PIK3CA: variants seen among roughly 807,000 people sequenced by gnomAD.
PIK3CA encodes phosphatidylinositol-4,5-bisphosphate 3-kinase catalytic subunit alpha.
PIK3CA carries 27 observed loss-of-function variants against 138.2 expected under a neutral mutation model. The ratio of observed to expected loss-of-function variants is 0.20; its 90% CI spans 0.14 to 0.27. PIK3CA has a LOEUF of 0.27. Ranked by LOEUF, PIK3CA falls within the 10% of genes least tolerant of loss-of-function variation. The pLI is 1.00. For missense variants in PIK3CA, 544 were observed against 1,277.4 expected (o/e 0.43, Z 8.75); for synonymous variants, 358 against 413.2 (o/e 0.87, Z 1.62).
At chr3:179,169,785 C>T (rs927481884) in intron 1 of PIK3CA, among the ~76,000 whole-genome samples, 1 of 152,172 alleles carries the variant, frequency 6.6e-6, no homozygotes. Context: ...TATAATACTT[C>T]TTACTCTGTT....
intron 1 of PIK3CA, among the ~76,000 whole-genome samples, chr3:179,160,568 G>A (rs1723251180): frequency 6.6e-6 from 1 of 152,172 alleles, no homozygotes; most frequent in Non-Finnish European, 1.5e-5. Flanking sequence ...AATGTGGCCT[G>A]CAGATATGGC....
intron 17 of PIK3CA, among the ~76,000 whole-genome samples, chr3:179,227,162 TA>T (rs1359936093): frequency 6.6e-6 from 1 of 152,138 alleles, no homozygotes; most frequent in African/African-American, 2.4e-5. Context: ...ATTTTCTGAA[TA>T]TTTTTTAACT....
Position 179,222,162 on chromosome 3 carries a change from T to G in PIK3CA, c.2187+1005T>G, listed in dbSNP as rs901169905. 2.0e-5 allele frequency among the ~76,000 whole-genome samples: 3 copies of G among 151,390 alleles called. No homozygotes were observed. In the South Asian group the frequency reaches 6.2e-4, roughly 31 times the overall value. On this transcript the variant is annotated intron_variant, in intron 14 of 20. Transcript: ENST00000263967. ...AAAAGAAAAATCGTATATTAGTGAG[T>G]CCCCAAAGGACAGAGAATGTAAGTT...
chr3:179,170,030 C>T (rs1409020782), intron 1 of PIK3CA, among the ~76,000 whole-genome samples: 2 of 151,884 alleles, frequency 1.3e-5, no homozygotes, highest in Non-Finnish European at 2.9e-5. Flanking sequence ...CCTCCCTCTT[C>T]CTTTCTCCAG....
At chr3:179,151,305 T>G (rs531488642) in intron 1 of PIK3CA, among the ~76,000 whole-genome samples, 2 of 152,352 alleles carry the variant, frequency 1.3e-5, no homozygotes, top group Non-Finnish European at 2.9e-5. Context: ...ACCAACATTT[T>G]CCGACTCCTT....
At chr3:179,205,164 T>A (rs1421725148) in intron 6 of PIK3CA, among the ~76,000 whole-genome samples, 1 of 151,838 alleles carries the variant, frequency 6.6e-6, no homozygotes, top group Admixed American at 6.6e-5. Flanking sequence ...CAGTCAGCTA[T>A]GATCGTGCCA....
intron 1 of PIK3CA, among the ~76,000 whole-genome samples, chr3:179,176,090 T>G (rs1723691093): frequency 6.6e-6 from 1 of 152,198 alleles, no homozygotes; most frequent in Non-Finnish European, 1.5e-5. Context: ...GGGGGCTGCT[T>G]ATGTTTTAGA....
chr3:179,162,241 A>G (rs1053873577), intron 1 of PIK3CA, among the ~76,000 whole-genome samples: 2 of 152,148 alleles, frequency 1.3e-5, no homozygotes, highest in African/African-American at 4.8e-5. Flanking sequence ...ACATGCACAG[A>G]TGATAGTTTG....
chr3:179,204,410 A>G, intron 5 of PIK3CA, 93 bp from the exon 6 acceptor site: 1 of 593,534 alleles, frequency 1.7e-6, no homozygotes, highest in Admixed American at 2.4e-5. Flanking sequence ...TATCTGAACA[A>G]AAATTCCGTG....
chr3:179,183,916 A>G (rs192609166), intron 1 of PIK3CA, among the ~76,000 whole-genome samples: 3 of 152,326 alleles, frequency 2.0e-5, no homozygotes, highest in Non-Finnish European at 4.4e-5. Flanking sequence ...GTGTTAACTG[A>G]TGCATAATTA....
At chr3:179,178,418 G>A (rs1353940393) in intron 1 of PIK3CA, among the ~76,000 whole-genome samples, 1 of 152,008 alleles carries the variant, frequency 6.6e-6, no homozygotes, top group Non-Finnish European at 1.5e-5. Context: ...TTAGTCATCA[G>A]TAAATGCAAA....
intron 9 of PIK3CA, among the ~76,000 whole-genome samples, chr3:179,217,875 ATCC>A (rs1724872680): frequency 6.6e-6 from 1 of 152,052 alleles, no homozygotes; most frequent in Non-Finnish European, 1.5e-5. Context: ...AGTTAACAAG[ATCC>A]TCATCAGGAG....
intron 14 of PIK3CA, among the ~76,000 whole-genome samples, chr3:179,223,681 T>C (rs1181459536): frequency 6.6e-6 from 1 of 152,202 alleles, no homozygotes; most frequent in Admixed American, 6.6e-5. Flanking sequence ...TGCAGGCCCA[T>C]GTGGTCTCTG....
At chr3:179,183,063 T>C (rs1357557691) in intron 1 of PIK3CA, among the ~76,000 whole-genome samples, 6 of 152,240 alleles carry the variant, frequency 3.9e-5, no homozygotes, top group Non-Finnish European at 8.8e-5. Flanking sequence ...CTGGGAGATC[T>C]GAGTTTCTTT....
At chr3:179,192,603 CTT>C (rs922233076) in intron 1 of PIK3CA, among the ~76,000 whole-genome samples, 1 of 152,204 alleles carries the variant, frequency 6.6e-6, no homozygotes. Context: ...GATCAGCAAA[CTT>C]TTTTTCTGCA....
Position 179,236,045 on chromosome 3 carries a change from TAA to T in PIK3CA, c.*1683_*1684del, listed in dbSNP as rs1725327550. 9.7e-6 allele frequency: 2 copies of T among 207,020 alleles called. No homozygotes were observed. The highest frequency in any genetic ancestry group is 3.8e-4 in the South Asian group (2 of 5,298). The allele number at this position is 207,020 out of a possible 1,614,324, so 12.8% of individuals were successfully genotyped here. A position where few individuals can be genotyped will look rare whatever the true frequency, so the allele number is the denominator to read the frequency against. On this transcript the variant is annotated 3_prime_UTR_variant, in exon 21 of 21. Coordinates refer to ENST00000263967, the MANE Select transcript of PIK3CA (RefSeq NM_006218.4). ...GGCATATTATTGGAAAACAACTTTA[TAA>T]AGAGTGAACATTGTATACTCTAGTA...
chr3:179,209,903 A>T (rs1183888634), intron 7 of PIK3CA, among the ~76,000 whole-genome samples: 1 of 152,144 alleles, frequency 6.6e-6, no homozygotes, highest in African/African-American at 2.4e-5. Flanking sequence ...TTGAGTTCTT[A>T]TTGATACCAT....
rs1313493185 is a variant in PIK3CA, at chr3:179,219,145, T to G, written c.1665-51T>G. On this transcript the variant is annotated intron_variant, in intron 10 of 20. Transcript: ENST00000263967. This position sits in a 1 kb window ranked among gnomAD's most constrained non-coding sequence, Gnocchi z 4.2. ...TATGGAGAAGTTAGACATGTCAACCTTTTGAACAGCATGCAAGAATGTTTA... is the reference window on the plus strand; with the variant it reads ...TATGGAGAAGTTAGACATGTCAACCGTTTGAACAGCATGCAAGAATGTTTA... 1 of 1,140,742 alleles carries G rather than the reference T, an allele frequency of 8.8e-7. No homozygotes were observed. Among genetic ancestry groups the G allele is most frequent in the Non-Finnish European group, 1.3e-6 (1 of 757,986 alleles). 70.7% of individuals were successfully genotyped at this position (1,140,742 alleles called of 1,614,324 possible).
At chr3:179,192,016 A>G (rs1166111974) in intron 1 of PIK3CA, among the ~76,000 whole-genome samples, 1 of 152,216 alleles carries the variant, frequency 6.6e-6, no homozygotes, top group Non-Finnish European at 1.5e-5. Context: ...TACTTTCTGC[A>G]TATTTTAAAG....
Sources: gnomAD v4.1 joint callset for allele counts (sites outside exome capture counted in the v4.1 genomes callset) on GRCh38, gnomAD v4.1.1 for gene constraint, Gnocchi (gnomAD v3.1) non-coding constraint, MANE v1.5 for transcripts, NCBI Gene and HGNC (gene_info 2026-07-23, HGNC 2026-07-21) for gene names.